The following SDK1 variants were observed in gnomAD, a reference collection of about 807,000 sequenced individuals.
SDK1 encodes the protein protein sidekick-1.
SDK1 carries 157 observed loss-of-function variants against 245.5 expected under a neutral mutation model. The observed-to-expected ratio is 0.64, with a 90% CI of 0.56 to 0.73. The LOEUF is 0.73. SDK1 is among the 30% of genes least tolerant of loss of function. SDK1 has a pLI of 0.00. For missense variants in SDK1, 3,583 were observed against 3,002.3 expected, an observed-to-expected ratio of 1.19 and a Z score of -4.52; for synonymous variants, 1,647 against 1,278.5, an observed-to-expected ratio of 1.29 and a Z score of -6.15.
chr7:3,581,767 C>T (rs909480937), intron 1 of SDK1, among the ~76,000 whole-genome samples: 5 of 152,284 alleles, frequency 3.3e-5, no homozygotes, highest in Admixed American at 6.5e-5. Flanking sequence ...CAATGTTAGA[C>T]TGGATAAAGA....
intron 4 of SDK1, among the ~76,000 whole-genome samples, chr7:3,762,257 C>G (rs1288630062): frequency 6.6e-6 from 1 of 152,134 alleles, no homozygotes; most frequent in Non-Finnish European, 1.5e-5. Flanking sequence ...ATGGGACGTA[C>G]TGGGTGTTCT....
chr7:4,027,078 G>A (rs772266856), intron 17 of SDK1, among the ~76,000 whole-genome samples: 21 of 152,284 alleles, frequency 1.4e-4, no homozygotes, highest in Non-Finnish European at 2.6e-4. Flanking sequence ...TTCTTGCATC[G>A]TGGGGTAGAA....
intron 4 of SDK1, among the ~76,000 whole-genome samples, chr7:3,720,098 A>G (rs1446233233): frequency 2.6e-5 from 4 of 152,154 alleles, no homozygotes; most frequent in South Asian, 4.1e-4. Context: ...TCTTATCACA[A>G]TTAAAAACTT....
chr7:3,551,745 G>A (rs983014201), intron 1 of SDK1, among the ~76,000 whole-genome samples: 16 of 152,002 alleles, frequency 1.1e-4, no homozygotes, highest in East Asian at 3.9e-4. Flanking sequence ...GCACGATCAC[G>A]GCTCACCGCA....
chr7:3,857,616 G>A (rs916500532), intron 5 of SDK1, among the ~76,000 whole-genome samples: 3 of 151,836 alleles, frequency 2.0e-5, no homozygotes. Flanking sequence ...GAGGCCAGAA[G>A]GTCAAGGCTG....
At chr7:3,457,917 C>T (rs1780720678) in intron 1 of SDK1, among the ~76,000 whole-genome samples, 1 of 152,162 alleles carries the variant, frequency 6.6e-6, no homozygotes, top group African/African-American at 2.4e-5. Context: ...TGTTTAGACA[C>T]TTTTGATCTT....
intron 5 of SDK1, among the ~76,000 whole-genome samples, chr7:3,938,877 T>C (rs928853153): frequency 6.6e-6 from 1 of 152,226 alleles, no homozygotes; most frequent in Non-Finnish European, 1.5e-5. Flanking sequence ...AGTAAAAAGC[T>C]GAAGAAGATA....
At chr7:3,523,822 C>G (rs1407438273) in intron 1 of SDK1, among the ~76,000 whole-genome samples, 3 of 152,160 alleles carry the variant, frequency 2.0e-5, no homozygotes, top group Non-Finnish European at 2.9e-5. Context: ...TCTCTTTGTT[C>G]TAATTTCATC....
At chr7:3,869,888 T>C (rs1780916837) in intron 5 of SDK1, among the ~76,000 whole-genome samples, 1 of 152,140 alleles carries the variant, frequency 6.6e-6, no homozygotes, top group Admixed American at 6.5e-5. Context: ...TCCCACAGGG[T>C]AGGAAAAGAA....
At chr7:3,471,986 A>G (rs1485030758) in intron 1 of SDK1, among the ~76,000 whole-genome samples, 7 of 152,166 alleles carry the variant, frequency 4.6e-5, no homozygotes, top group Admixed American at 3.3e-4. Flanking sequence ...TGAAGGATGC[A>G]TTATAGTCTT....
intron 19 of SDK1, among the ~76,000 whole-genome samples, chr7:4,054,991 A>C (rs1330580204): frequency 5.3e-5 from 8 of 152,110 alleles, no homozygotes; most frequent in Non-Finnish European, 1.2e-4. Flanking sequence ...TGTTGGATTG[A>C]CTTTGCTAGC....
intron 1 of SDK1, among the ~76,000 whole-genome samples, chr7:3,618,065 A>G (rs1040939822): frequency 1.3e-5 from 2 of 152,058 alleles, no homozygotes; most frequent in Admixed American, 6.6e-5. Flanking sequence ...TTTGCTGATA[A>G]AGAAACAAAA....
At chr7:3,619,622 C>G (rs1781872668) in intron 2 of SDK1, among the ~76,000 whole-genome samples, 1 of 152,138 alleles carries the variant, frequency 6.6e-6, no homozygotes, top group Admixed American at 6.6e-5. Context: ...AGTATGGTAG[C>G]TTCTGGAGCT....
At chr7:3,727,084 A>G (rs1779034072) in intron 4 of SDK1, among the ~76,000 whole-genome samples, 2 of 152,242 alleles carry the variant, frequency 1.3e-5, no homozygotes. Context: ...TGCTTCTGAT[A>G]AGAAAGCAGG....
At chr7:4,225,533 G>A (rs1785385320) in intron 40 of SDK1, among the ~76,000 whole-genome samples, 1 of 152,126 alleles carries the variant, frequency 6.6e-6, no homozygotes, top group Non-Finnish European at 1.5e-5. Context: ...GGCTTGCCGA[G>A]AGAGCCCTTG....
At chr7:3,391,854 C>T (rs944934826) in intron 1 of SDK1, among the ~76,000 whole-genome samples, 2 of 151,618 alleles carry the variant, frequency 1.3e-5, no homozygotes, top group Non-Finnish European at 2.9e-5. Flanking sequence ...GTCTCAAACT[C>T]CTGAGCTCAA....
At chr7:3,498,449 T>C (rs985892064) in intron 1 of SDK1, among the ~76,000 whole-genome samples, 5 of 152,212 alleles carry the variant, frequency 3.3e-5, no homozygotes, top group African/African-American at 1.2e-4. Context: ...ATAGTAGCTT[T>C]CTCATTGCAT....
At chr7:4,021,992 G>A (rs1000657797) in intron 17 of SDK1, among the ~76,000 whole-genome samples, 1 of 152,146 alleles carries the variant, frequency 6.6e-6, no homozygotes, top group African/African-American at 2.4e-5. Context: ...AGCTCCATGG[G>A]GCTGTTTGGG....
intron 1 of SDK1, among the ~76,000 whole-genome samples, chr7:3,502,905 A>G (rs1200383353): frequency 2.0e-5 from 3 of 152,170 alleles, no homozygotes; most frequent in African/African-American, 7.2e-5. Context: ...ATTGAGATGA[A>G]GATGTTAATG....
Sources: allele counts gnomAD v4.1 joint callset (sites outside exome capture counted in the v4.1 genomes callset), GRCh38; gene constraint gnomAD v4.1.1; transcripts MANE v1.5; gene names NCBI Gene and HGNC (gene_info 2026-07-23, HGNC 2026-07-21).